The following ARHGEF38 variants were observed in gnomAD, a reference collection of about 807,000 sequenced individuals.
The protein encoded by ARHGEF38 is Rho guanine nucleotide exchange factor 38.
Under a neutral mutation model 79.9 loss-of-function variants are expected in ARHGEF38, and 79 were observed. The observed-to-expected ratio is 0.99, with a 90% confidence interval of 0.82 to 1.19. The LOEUF is 1.19. Ranked by LOEUF, ARHGEF38 falls within the 50% of genes most tolerant of loss-of-function variation. The probability of loss-of-function intolerance (pLI) is 0.00; values close to 1 mark genes in which losing one functional copy is unlikely to be tolerated. For missense variants in ARHGEF38, 962 were observed against 907.2 expected (o/e 1.06, Z -0.78); for synonymous variants, 366 against 328.3 (o/e 1.11, Z -1.24).
intron 2 of ARHGEF38, among the ~76,000 whole-genome samples, chr4:105,608,469 G>A (rs577633993): frequency 6.3e-4 from 95 of 151,250 alleles, no homozygotes; most frequent in Admixed American, 1.9e-3. Context: ...TATATGCAGG[G>A]TACATGTAAT....
At chr4:105,558,143 A>C (rs1426118858) in intron 1 of ARHGEF38, among the ~76,000 whole-genome samples, 1 of 152,184 alleles carries the variant, frequency 6.6e-6, no homozygotes, top group Non-Finnish European at 1.5e-5. Flanking sequence ...CTACTGTATG[A>C]ACTTTATACA....
chr4:105,611,212 T>C (rs1028360887), intron 2 of ARHGEF38, among the ~76,000 whole-genome samples: 11 of 152,222 alleles, frequency 7.2e-5, no homozygotes, highest in South Asian at 2.1e-4. Flanking sequence ...AGGGATACAC[T>C]GTATGATTTA....
chr4:105,620,192 C>T (rs1728681991), intron 3 of ARHGEF38, among the ~76,000 whole-genome samples: 1 of 152,164 alleles, frequency 6.6e-6, no homozygotes. Flanking sequence ...GGTTTTCAAT[C>T]TTTATAGATG....
chr4:105,661,048 A>T (rs1227800046), intron 10 of ARHGEF38, among the ~76,000 whole-genome samples: 1 of 152,270 alleles, frequency 6.6e-6, no homozygotes, highest in East Asian at 1.9e-4. Flanking sequence ...AGATTTTCCT[A>T]TTCTGGGCAT....
chr4:105,677,664 A>G, intron 13 of ARHGEF38, 88 bp from the exon 14 acceptor site: 4 of 1,239,408 alleles, frequency 3.2e-6, no homozygotes, highest in East Asian at 2.6e-5. Context: ...AAACTTTAGC[A>G]TTGCTTCTAA....
chr4:105,565,529 G>T (rs912858328), intron 1 of ARHGEF38, among the ~76,000 whole-genome samples: 1 of 152,110 alleles, frequency 6.6e-6, no homozygotes, highest in South Asian at 2.1e-4. Context: ...TGGGGGTTTC[G>T]TAATGATCTG....
chr4:105,561,449 G>GGAATGGAATA (rs1725566310), intron 1 of ARHGEF38: 3 of 45,612 alleles, frequency 6.6e-5, no homozygotes, highest in East Asian at 1.1e-3. Context: ...AGAATAGAAT[G>GGAATGGAATA]GAATAGAATA....
chr4:105,672,368 C>A (rs1351209490), intron 13 of ARHGEF38, among the ~76,000 whole-genome samples: 1 of 152,154 alleles, frequency 6.6e-6, no homozygotes, highest in Non-Finnish European at 1.5e-5. Context: ...AAAGTTCCCC[C>A]AAATTATATT....
chr4:105,557,385 A>C (rs1159564212), intron 1 of ARHGEF38, among the ~76,000 whole-genome samples: 2 of 152,218 alleles, frequency 1.3e-5, no homozygotes, highest in East Asian at 3.9e-4. Context: ...AAGTTTACTA[A>C]CATTCAGGAG....
intron 4 of ARHGEF38, among the ~76,000 whole-genome samples, chr4:105,633,383 G>A (rs1729272362): frequency 6.6e-6 from 1 of 152,128 alleles, no homozygotes; most frequent in South Asian, 2.1e-4. Context: ...CTGAGAAACA[G>A]GTTTTCAAAC....
At chr4:105,573,313 C>T (rs573452227) in intron 1 of ARHGEF38, among the ~76,000 whole-genome samples, 2 of 152,174 alleles carry the variant, frequency 1.3e-5, no homozygotes, top group South Asian at 4.1e-4. Flanking sequence ...GAAATTACTG[C>T]CAAATTCAAT....
chr4:105,652,268 A>G (rs1008239268), intron 7 of ARHGEF38, among the ~76,000 whole-genome samples: 1 of 152,230 alleles, frequency 6.6e-6, no homozygotes, highest in Non-Finnish European at 1.5e-5. Context: ...TACAATGAGA[A>G]AATGGAAGAA....
chr4:105,670,183 T>C (rs1730912655), intron 13 of ARHGEF38, among the ~76,000 whole-genome samples: 1 of 152,304 alleles, frequency 6.6e-6, no homozygotes, highest in South Asian at 2.1e-4. Context: ...TAAGTGTATG[T>C]TTAAATTTTT....
intron 11 of ARHGEF38, 114 bp from the exon 12 acceptor site, chr4:105,667,015 T>C: frequency 1.1e-6 from 1 of 916,246 alleles, no homozygotes; most frequent in Non-Finnish European, 1.6e-6. Context: ...AATAATCCTC[T>C]AAAAATATAT....
chr4:105,585,326 A>G (rs1355775198), intron 1 of ARHGEF38, among the ~76,000 whole-genome samples: 1 of 152,168 alleles, frequency 6.6e-6, no homozygotes, highest in East Asian at 1.9e-4. Flanking sequence ...CTCTGTGAGG[A>G]TAACTATTAG....
chr4:105,601,061 ATCAG>A (rs1317279411), intron 2 of ARHGEF38, among the ~76,000 whole-genome samples: 5 of 152,100 alleles, frequency 3.3e-5, no homozygotes. Context: ...CTTTTAAAAT[ATCAG>A]TCAAATTATG....
At chr4:105,609,061 C>T (rs552010807) in intron 2 of ARHGEF38, among the ~76,000 whole-genome samples, 1 of 152,094 alleles carries the variant, frequency 6.6e-6, no homozygotes, top group East Asian at 1.9e-4. Flanking sequence ...GATTTGGGGT[C>T]ATATCCAAAA....
At chr4:105,670,376 C>G (rs1730919588) in intron 13 of ARHGEF38, among the ~76,000 whole-genome samples, 1 of 152,018 alleles carries the variant, frequency 6.6e-6, no homozygotes, top group Admixed American at 6.6e-5. Context: ...ATTTGCATTT[C>G]CCTAATGATT....
chr4:105,611,494 C>T, intron 2 of ARHGEF38, among the ~76,000 whole-genome samples: 1 of 151,950 alleles, frequency 6.6e-6, no homozygotes, highest in South Asian at 2.1e-4. Flanking sequence ...AGATATATTA[C>T]ATTTGAGCCA....
Sources: allele counts gnomAD v4.1 joint callset (sites outside exome capture counted in the v4.1 genomes callset), GRCh38; gene constraint gnomAD v4.1.1; transcripts MANE v1.5; gene names NCBI Gene and HGNC (gene_info 2026-07-23, HGNC 2026-07-21).